Variants in GUCY2D observed in about 807,000 individuals in gnomAD.
The protein encoded by GUCY2D is guanylate cyclase 2D, retinal.
In GUCY2D, 70 loss-of-function variants were observed where a neutral mutation model predicts 101.3. The observed-to-expected ratio is 0.69, with a 90% CI of 0.57 to 0.84. The LOEUF (loss-of-function observed/expected upper bound fraction) is 0.84, where lower values mean the gene tolerates loss of function less well. GUCY2D is among the 40% of genes least tolerant of loss of function. The pLI is 0.00. For synonymous variants in GUCY2D, 688 were observed against 670.7 expected (o/e 1.03, Z -0.40); for missense variants, 1,460 against 1,542.5 (o/e 0.95, Z 0.90).
At chr17:8,019,750 A>G (rs1976038473) in intron 19 of GUCY2D, among the ~76,000 whole-genome samples, 1 of 151,784 alleles carries the variant, frequency 6.6e-6, no homozygotes, top group African/African-American at 2.4e-5. Flanking sequence ...AGTTTCCACC[A>G]TTTCTCTGGA....
chr17:8,009,558 G>A lies in GUCY2D; in HGVS notation c.1721G>A (p.Arg574His), dbSNP rs560270873. 96 of 1,613,430 alleles carry A rather than the reference G, an allele frequency of 6.0e-5. No individual in the cohort carries two copies. The highest frequency in any genetic ancestry group is 7.5e-5 in the Non-Finnish European group (89 of 1,179,488). ...KFPGDQHIAI[R>H]PATKTAFSKL... Reference sequence around the variant, plus strand: ...CCAGGGGATCAGCACATAGCTATCCGCCCAGCAACCAAGACGGCCTTCTCC... The same window carrying A: ...CCAGGGGATCAGCACATAGCTATCCACCCAGCAACCAAGACGGCCTTCTCC... The change falls in exon 8 of 20, where the codon CGC becomes CAC. Residue 574 changes from arginine to histidine, a missense_variant. Arg to His is a conservative substitution (Grantham distance 29). Around this residue, in one of 3 missense-constraint regions of GUCY2D, gnomAD observed 1,196 missense variants for 1,229.6 expected, o/e 0.97. Coordinates refer to ENST00000254854, the MANE Select transcript of GUCY2D (RefSeq NM_000180.4).
intron 19 of GUCY2D, among the ~76,000 whole-genome samples, chr17:8,018,707 C>T (rs7503918): frequency 0.39 from 59,550 of 151,910 alleles, 12,370 homozygotes; most frequent in East Asian, 0.69. Flanking sequence ...CGCCACTCCC[C>T]ACAGACTCCG....
In GUCY2D at chr17:8,013,194, C is replaced by T; in HGVS notation, c.2205C>T (p.Ile735=). 6.2e-7 allele frequency: 1 copy of T among 1,614,164 alleles called. No individual in the cohort carries two copies. The highest frequency in any genetic ancestry group is 8.5e-7 in the Non-Finnish European group (1 of 1,180,000). ...LAGDVFSLAI[I]MQEVVCRSAP... is the part of the protein sequence containing the mutation. ...GCGACGTCTTTAGCTTGGCCATCAT[C>T]ATGCAAGAAGTAGTGTGCCGCAGTG... is the stretch of plus-strand genomic sequence containing the variant. Residue 735 remains isoleucine (I), a synonymous_variant, in exon 11 of 20, where the codon ATC becomes ATT. Coordinates refer to ENST00000254854, the MANE Select transcript of GUCY2D (RefSeq NM_000180.4). The surrounding 1 kb of genome is among the most constrained non-coding windows in gnomAD (Gnocchi z 5.0).
intron 14 of GUCY2D, 42 bp from the exon 15 acceptor site, chr17:8,015,286 G>A: frequency 6.4e-7 from 1 of 1,569,280 alleles, no homozygotes; most frequent in South Asian, 1.1e-5. Flanking sequence ...TACTCGGGGG[G>A]AATGCTCAAA....
intron 14 of GUCY2D, 61 bp from the exon 15 acceptor site, chr17:8,015,267 C>T (rs1383909254): frequency 5.4e-6 from 8 of 1,493,464 alleles, no homozygotes; most frequent in African/African-American, 1.4e-5. Flanking sequence ...AAGAGGCAAT[C>T]GCTTCGTGTA....
intron 6 of GUCY2D, 120 bp downstream of exon 6, chr17:8,007,648 C>G (rs1384122182): frequency 1.4e-6 from 1 of 693,618 alleles, no homozygotes; most frequent in Admixed American, 2.1e-5. Flanking sequence ...CCAGTTCTGT[C>G]CCACGTCTGA....
At chr17:8,007,680 A>T (rs1975772772) in intron 6 of GUCY2D, 152 bp downstream of exon 6, 2 of 659,884 alleles carry the variant, frequency 3.0e-6, no homozygotes, top group Admixed American at 4.4e-5. Context: ...CAGCACCCTC[A>T]TCTGTGCAAT....
rs139731548 is a variant in GUCY2D at position 8,012,371 on chromosome 17, G to T, written c.1956+21G>T. 32,962 of 1,611,354 alleles carry T rather than the reference G, an allele frequency of 0.02. 455 individuals are homozygous for T. Among genetic ancestry groups the T allele is most frequent in the Middle Eastern group, 0.058 (353 of 6,058 alleles). On this transcript the variant is annotated intron_variant, in intron 9 of 19. Transcript: ENST00000254854. ...TCAAGGTGTGTGTCTGGGGGTGGTG[G>T]GGTGACGTCCTGGGGGCAGGGATGG...
rs8069344 is a variant in GUCY2D, at chr17:8,013,961, T to A, written c.2345T>A (p.Leu782His). 214,636 of 1,613,268 alleles carry A rather than the reference T, an allele frequency of 0.13. 17,920 individuals are homozygous for A. Among genetic ancestry groups the A allele is most frequent in the African/African-American group, 0.4 (30,227 of 74,954 alleles). ...SMDQAPVECI[L>H]LMKQCWAEQP... is the part of the protein sequence containing the mutation. ...GACCAGGCACCTGTCGAGTGTATCC[T>A]CCTGATGAAGCAGTGCTGGGCAGAG... Residue 782 changes from leucine to histidine, a missense_variant, in exon 12 of 20, where the codon CTC (leucine) becomes CAC (histidine). Physicochemically the swap from Leu to His is moderately conservative, Grantham distance 99. Around this residue, in one of 3 missense-constraint regions of GUCY2D, gnomAD observed 1,196 missense variants for 1,229.6 expected, o/e 0.97. Coordinates refer to ENST00000254854, the MANE Select transcript of GUCY2D (RefSeq NM_000180.4). This position sits in a 1 kb window ranked among gnomAD's most constrained non-coding sequence, Gnocchi z 5.0.
At position 8,012,439 on chromosome 17, in the gene GUCY2D, C is replaced by A; in HGVS notation, c.1957-11C>A. Reference sequence around the variant, plus strand: ...CAGGCTGAGGCTGCCTCTTACCCTACCCATTCCAAGGGAATAAGGTATCTG... The same window carrying A: ...CAGGCTGAGGCTGCCTCTTACCCTAACCATTCCAAGGGAATAAGGTATCTG... On this transcript the variant is annotated splice_polypyrimidine_tract_variant and intron_variant, in intron 9 of 19. Transcript: ENST00000254854. 6.2e-7 allele frequency: 1 copy of A among 1,613,984 alleles called. No individual in the cohort carries two copies. The highest frequency in any genetic ancestry group is 8.5e-7 in the Non-Finnish European group (1 of 1,179,982).
chr17:8,015,340 G>A lies in GUCY2D; in HGVS notation c.2782G>A (p.Gly928Arg). 3 of 1,607,414 alleles carry A rather than the reference G, an allele frequency of 1.9e-6. No homozygotes were observed. Among genetic ancestry groups the A allele is most frequent in the Non-Finnish European group, 2.5e-6 (3 of 1,179,884 alleles). ...CTTCTTCCCCCAGGTGGAGACAATA[G>A]GGGACGCCTATATGGTGGCCTCGGG... is the stretch of plus-strand genomic sequence containing the variant. ...SHDVYKVETI[G>R]DAYMVASGLP... The change falls in exon 15 of 20, where the codon GGG becomes AGG. Residue 928 changes from glycine to arginine, a missense_variant. Physicochemically the swap from Gly to Arg is moderately radical, Grantham distance 125 (BLOSUM62 -2). Transcript: ENST00000254854.
At chr17:8,009,841 C>A (rs562446256) in intron 8 of GUCY2D, among the ~76,000 whole-genome samples, 1 of 151,926 alleles carries the variant, frequency 6.6e-6, no homozygotes, top group Non-Finnish European at 1.5e-5. Context: ...CTGGGTGTGG[C>A]GTTACATGCC....
intron 8 of GUCY2D, among the ~76,000 whole-genome samples, chr17:8,010,671 G>T (rs973831393): frequency 6.6e-6 from 1 of 151,970 alleles, no homozygotes; most frequent in African/African-American, 2.4e-5. Flanking sequence ...AGCCGGGTGT[G>T]GTGGCGGGCG....
chr17:8,015,884 C>A (rs770164381), intron 16 of GUCY2D, 43 bp downstream of exon 16: 3 of 1,596,636 alleles, frequency 1.9e-6, no homozygotes, highest in East Asian at 2.3e-5. Flanking sequence ...GAGGGGGACA[C>A]GGGAGGTGAG....
Position 8,015,477 on chromosome 17 carries a change from G to A in GUCY2D, c.2919G>A (p.Val973=), listed in dbSNP as rs1975948853. The change falls in exon 15 of 20, where the codon GTG becomes GTA. Residue 973 remains valine, a synonymous_variant. Transcript: ENST00000254854. ...FRMRHMPEVP[V]RIRIGLHSGP... Reference sequence around the variant, plus strand: ...TGCGCCATATGCCTGAGGTTCCCGTGCGCATCCGCATAGGCCTGCACTCGG... The same window carrying A: ...TGCGCCATATGCCTGAGGTTCCCGTACGCATCCGCATAGGCCTGCACTCGG... The A allele has an allele frequency of 1.9e-6, 3 of 1,613,032 alleles. No homozygotes were observed. The African/African-American group carries it at 4.0e-5, about 21-fold the overall frequency.
At position 8,013,242 on chromosome 17, in the gene GUCY2D, C is replaced by T. The variant is rs1396317567; in HGVS notation, c.2253C>T (p.Leu751=). 1 of 1,614,078 alleles carries T rather than the reference C, an allele frequency of 6.2e-7. No homozygotes were observed. The highest frequency in any genetic ancestry group is 8.5e-7 in the Non-Finnish European group (1 of 1,179,982). ...GTGCCCCTTATGCCATGCTGGAGCT[C>T]ACTCCCGAGGGTAAGGCTGCCCTGT... The part of the protein sequence containing the change: ...CRSAPYAMLE[L]TPEEVVQRVR... The change falls in exon 11 of 20, where the codon CTC becomes CTT. Residue 751 remains leucine (L), a synonymous_variant. Transcript: ENST00000254854. This position sits in a 1 kb window ranked among gnomAD's most constrained non-coding sequence, Gnocchi z 5.0.
chr17:8,012,430 C>A lies in GUCY2D; in HGVS notation c.1957-20C>A. 1.2e-6 allele frequency: 2 copies of A among 1,613,814 alleles called. No individual in the cohort carries two copies. The highest frequency in any genetic ancestry group is 1.7e-6 in the Non-Finnish European group (2 of 1,179,920). ...GGAACCAAGCAGGCTGAGGCTGCCT[C>A]TTACCCTACCCATTCCAAGGGAATA... On this transcript the variant is annotated intron_variant, in intron 9 of 19. Coordinates refer to ENST00000254854, the MANE Select transcript of GUCY2D (RefSeq NM_000180.4).
At chr17:8,007,375 C>T in intron 5 of GUCY2D, 51 bp from the exon 6 acceptor site, 1 of 1,273,382 alleles carries the variant, frequency 7.9e-7, no homozygotes, top group Non-Finnish European at 1.1e-6. Flanking sequence ...CTGCTGGTCT[C>T]TTCTGACGGA....
Position 8,014,606 on chromosome 17 carries a change from G to A in GUCY2D, c.2418G>A (p.Lys806=). The A allele has an allele frequency of 6.2e-7, 1 of 1,614,116 alleles. No homozygotes were observed. The highest frequency in any genetic ancestry group is 8.5e-7 in the Non-Finnish European group (1 of 1,180,008). Residue 806 remains lysine (K), a synonymous_variant, in exon 13 of 20, where the codon AAG becomes AAA. Transcript: ENST00000254854. This position sits in a 1 kb window ranked among gnomAD's most constrained non-coding sequence, Gnocchi z 4.0. ...PSMDHTFDLF[K]NINKGRKTNI... ...CAGCTTCCTTCTACTGCTAGTTCAAGAACATCAACAAGGGCCGGAAGACGA... is the reference window on the plus strand; with the variant it reads ...CAGCTTCCTTCTACTGCTAGTTCAAAAACATCAACAAGGGCCGGAAGACGA...
Sources: allele counts gnomAD v4.1 joint callset (sites outside exome capture counted in the v4.1 genomes callset), GRCh38; gene constraint gnomAD v4.1.1; regional missense constraint gnomAD v4.1.1; non-coding constraint Gnocchi (gnomAD v3.1); transcripts MANE v1.5; gene names NCBI Gene and HGNC (gene_info 2026-07-23, HGNC 2026-07-21).